MEMO1: variants seen among roughly 807,000 people sequenced by gnomAD.
MEMO1 encodes protein MEMO1.
A neutral mutation model predicts 45.2 loss-of-function variants in MEMO1; 6 were observed. That is an observed-to-expected ratio of 0.13 (90% confidence interval 0.07 to 0.26). The LOEUF is 0.26. Among genes scored for constraint, MEMO1 ranks in the 10% least tolerant of loss-of-function variants. The pLI, the probability that MEMO1 is intolerant of heterozygous loss-of-function variation, is 1.00. For missense variants in MEMO1, 184 were observed against 370.5 expected (o/e 0.50, Z 4.13); for synonymous variants, 78 against 124.3 (o/e 0.63, Z 2.48).
At chr2:31,907,519 G>A (rs1287415608) in intron 6 of MEMO1, among the ~76,000 whole-genome samples, 2 of 152,018 alleles carry the variant, frequency 1.3e-5, no homozygotes, top group African/African-American at 4.8e-5. Flanking sequence ...GTAAGTCCGG[G>A]CACAGTGGCT....
intron 5 of MEMO1, among the ~76,000 whole-genome samples, chr2:31,919,240 CG>C (rs1187874423): frequency 1.3e-5 from 2 of 152,088 alleles, no homozygotes; most frequent in African/African-American, 4.8e-5. Flanking sequence ...CCTCTACCTC[CG>C]GAGCTCAAGC....
chr2:31,946,179 G>A (rs1173709893), intron 2 of MEMO1, among the ~76,000 whole-genome samples: 4 of 152,038 alleles, frequency 2.6e-5, no homozygotes, highest in South Asian at 2.1e-4. Context: ...CCCCTACGTC[G>A]TTCCCAATAT....
At chr2:32,002,292 C>T (rs927154352) in intron 2 of MEMO1, among the ~76,000 whole-genome samples, 3 of 140,996 alleles carry the variant, frequency 2.1e-5, no homozygotes, top group Non-Finnish European at 3.0e-5. Context: ...TACATATATA[C>T]ATATACATAT....
rs748614890 is a variant in MEMO1 at position 31,943,294 on chromosome 2, A to G, written c.143+8T>C. The G allele has an allele frequency of 7.5e-6, 12 of 1,608,280 alleles. No homozygotes were observed. Among genetic ancestry groups the G allele is most frequent in the Non-Finnish European group, 1.0e-5 (12 of 1,174,978 alleles). On this transcript the variant is annotated splice_region_variant and intron_variant, in intron 3 of 9. Coordinates refer to ENST00000404530, the MANE Select transcript of MEMO1 (RefSeq NM_001301833.4). The stretch of plus-strand genomic sequence containing the variant: ...AACAAAACAAAAACAAAAACAAAAA[A>G]GACTTACGGGGCAATAATGGCTCTA...
intron 2 of MEMO1, among the ~76,000 whole-genome samples, chr2:31,994,977 G>A (rs1672407436): frequency 7.1e-6 from 1 of 140,844 alleles, no homozygotes; most frequent in South Asian, 2.6e-4. Context: ...AGGGAGAGAG[G>A]AAGGGAGGAA....
chr2:31,893,869 A>G (rs2148000142), intron 6 of MEMO1, among the ~76,000 whole-genome samples: 1 of 152,336 alleles, frequency 6.6e-6, no homozygotes, highest in Admixed American at 6.5e-5. Flanking sequence ...GTAAGGAGGT[A>G]TAAAATTCTA....
intron 6 of MEMO1, among the ~76,000 whole-genome samples, chr2:31,913,511 T>C (rs1213534677): frequency 6.8e-6 from 1 of 147,666 alleles, no homozygotes; most frequent in Non-Finnish European, 1.5e-5. Flanking sequence ...CCAAAGATGA[T>C]TAAGAGTTTT....
chr2:31,906,291 TTTG>T (rs1679719121), intron 6 of MEMO1, among the ~76,000 whole-genome samples: 1 of 148,950 alleles, frequency 6.7e-6, no homozygotes, highest in Non-Finnish European at 1.5e-5. Flanking sequence ...TTCTTTTGTT[TTTG>T]TTTTTGTTTT....
At chr2:31,945,004 C>T (rs1236392951) in intron 2 of MEMO1, among the ~76,000 whole-genome samples, 2 of 152,128 alleles carry the variant, frequency 1.3e-5, no homozygotes, top group South Asian at 2.1e-4. Context: ...TCCCTTTGTA[C>T]ATCTCCCTCC....
At chr2:31,895,117 T>TAATA (rs992111828) in intron 6 of MEMO1, among the ~76,000 whole-genome samples, 1 of 152,134 alleles carries the variant, frequency 6.6e-6, no homozygotes, top group African/African-American at 2.4e-5. Flanking sequence ...TGAAAGTTCC[T>TAATA]AATAAATAAA....
intron 2 of MEMO1, among the ~76,000 whole-genome samples, chr2:31,998,684 C>T (rs933762430): frequency 6.6e-6 from 1 of 151,794 alleles, no homozygotes; most frequent in African/African-American, 2.4e-5. Flanking sequence ...CCTGTAATCC[C>T]AGCTACTCGG....
At chr2:31,931,752 A>T (rs1664199875) in intron 4 of MEMO1, among the ~76,000 whole-genome samples, 1 of 152,206 alleles carries the variant, frequency 6.6e-6, no homozygotes, top group Non-Finnish European at 1.5e-5. Flanking sequence ...AAAACAGATC[A>T]GAGGGCTTTG....
chr2:31,890,256 C>T (rs1037014414), intron 7 of MEMO1, among the ~76,000 whole-genome samples: 1 of 152,064 alleles, frequency 6.6e-6, no homozygotes, highest in Non-Finnish European at 1.5e-5. Flanking sequence ...AAAATAATAT[C>T]AAGGGAACTA....
chr2:32,001,240 C>T (rs1014632719), intron 2 of MEMO1, among the ~76,000 whole-genome samples: 4 of 151,552 alleles, frequency 2.6e-5, no homozygotes, highest in South Asian at 2.1e-4. Flanking sequence ...GGGGTTTCAC[C>T]GTGTTAGCCA....
rs1674600223 is a variant in MEMO1, at chr2:32,009,838, C to A, written c.61+349G>T. On this transcript the variant is annotated intron_variant, in intron 2 of 9. Transcript: ENST00000404530. ...CGGCCGGCCGCACGCTTCCTGCAAG[C>A]CAGAGGCGGCGACAAGTCGGCTGGG... 1.3e-5 allele frequency among the ~76,000 whole-genome samples: 2 copies of A among 152,130 alleles called. 1 individual carries two copies. The highest frequency in any genetic ancestry group is 4.1e-4 in the South Asian group (2 of 4,834).
At chr2:32,001,165 C>T (rs1436393223) in intron 2 of MEMO1, among the ~76,000 whole-genome samples, 1 of 151,558 alleles carries the variant, frequency 6.6e-6, no homozygotes, top group African/African-American at 2.4e-5. Flanking sequence ...CAGCCTCCCG[C>T]GTAGCTGGGA....
chr2:31,982,157 C>G (rs925224907), intron 2 of MEMO1, among the ~76,000 whole-genome samples: 1 of 151,828 alleles, frequency 6.6e-6, no homozygotes, highest in African/African-American at 2.4e-5. Flanking sequence ...ATTAGCTGGG[C>G]TTGGTGGTGG....
At chr2:31,960,744 C>T (rs1277387707) in intron 2 of MEMO1, among the ~76,000 whole-genome samples, 2 of 152,038 alleles carry the variant, frequency 1.3e-5, no homozygotes, top group Non-Finnish European at 2.9e-5. Flanking sequence ...CACCACCATA[C>T]CCGGCTAATT....
At chr2:31,904,732 C>T (rs1480623197) in intron 6 of MEMO1, among the ~76,000 whole-genome samples, 1 of 152,176 alleles carries the variant, frequency 6.6e-6, no homozygotes, top group Non-Finnish European at 1.5e-5. Flanking sequence ...TCTAGAGAAT[C>T]GCCAAATGTG....
Sources: allele counts gnomAD v4.1 joint callset (sites outside exome capture counted in the v4.1 genomes callset), GRCh38; gene constraint gnomAD v4.1.1; transcripts MANE v1.5; gene names NCBI Gene and HGNC (gene_info 2026-07-23, HGNC 2026-07-21).